The following LRSAM1 variants were observed in gnomAD, a reference collection of about 807,000 sequenced individuals.
LRSAM1 encodes the protein leucine rich repeat and sterile alpha motif containing 1, also known as E3 ubiquitin-protein ligase LRSAM1.
A neutral mutation model predicts 118.1 loss-of-function variants in LRSAM1; 96 were observed. The ratio of observed to expected loss-of-function variants is 0.81; its 90% CI spans 0.69 to 0.96. LRSAM1 has a LOEUF of 0.96. LRSAM1 is among the 40% of genes least tolerant of loss of function. The pLI is 0.00. For synonymous variants in LRSAM1, 322 were observed against 364.2 expected (o/e 0.88, Z 1.32); for missense variants, 804 against 915.5 (o/e 0.88, Z 1.57).
intron 19 of LRSAM1, 123 bp from the exon 20 acceptor site, chr9:127,491,092 C>A: frequency 1.2e-6 from 1 of 823,734 alleles, no homozygotes; most frequent in Non-Finnish European, 2.1e-6. Context: ...CCCCTCATTC[C>A]AGAGCCTCCC....
intron 3 of LRSAM1, among the ~76,000 whole-genome samples, 156 bp downstream of exon 3, chr9:127,454,755 C>A (rs1311592922): frequency 6.6e-6 from 1 of 152,110 alleles, no homozygotes; most frequent in Non-Finnish European, 1.5e-5. Context: ...GATGAGGCCC[C>A]CTGCCAAGGG....
intron 25 of LRSAM1, among the ~76,000 whole-genome samples, chr9:127,502,216 G>T (rs1192305565): frequency 6.6e-6 from 1 of 152,236 alleles, no homozygotes; most frequent in African/African-American, 2.4e-5. Context: ...ATTTAAGAAA[G>T]AATCAGTTGG....
rs1231990557 is a variant in LRSAM1, at chr9:127,459,024, C to A, written c.274C>A (p.Gln92Lys). 4.3e-6 allele frequency: 7 copies of A among 1,613,740 alleles called. No homozygotes were observed. Among genetic ancestry groups the A allele is most frequent in the Non-Finnish European group, 5.9e-6 (7 of 1,180,034 alleles). Residue 92 changes from glutamine (Q) to lysine (K), a missense_variant, in exon 7 of 26, where the codon CAG (glutamine) becomes AAG (lysine). Transcript: ENST00000300417. ...GCAGGTTCTAGATCTCCACGATAAT[C>A]AGCTGACAGCCCTTCCTGACGATCT... ...TIKVLDLHDN[Q>K]LTALPDDLGQ...
At chr9:127,489,021 G>C (rs1835831904) in intron 18 of LRSAM1, among the ~76,000 whole-genome samples, 1 of 152,114 alleles carries the variant, frequency 6.6e-6, no homozygotes, top group South Asian at 2.1e-4. Context: ...GTTCTAAAAT[G>C]GTTTGACTTA....
In LRSAM1 at chr9:127,484,263, C is replaced by CTTT. The variant is rs35834839; in HGVS notation, c.1159+1258_1159+1260dup. Among the ~76,000 whole-genome samples the CTTT allele has an allele frequency of 3.2e-3, 421 of 133,644 alleles. 3 individuals carry two copies. The highest frequency in any genetic ancestry group is 4.9e-3 in the Non-Finnish European group (314 of 63,804). The allele number at this position is 133,644 out of a possible 152,430, so 87.7% of individuals were successfully genotyped here. On this transcript the variant is annotated intron_variant, in intron 16 of 25. Transcript: ENST00000300417. ...ATAGCATGTGTTTGAATTTCTTTCCCTTTTTTTTTTTTTTTTTCCTGCTTC... is the reference window on the plus strand; with the variant it reads ...ATAGCATGTGTTTGAATTTCTTTCCCTTTTTTTTTTTTTTTTTTTTCCTGCTTC...
At chr9:127,480,490 G>T (rs1438683754) in intron 14 of LRSAM1, among the ~76,000 whole-genome samples, 3 of 152,162 alleles carry the variant, frequency 2.0e-5, no homozygotes, top group Non-Finnish European at 1.5e-5. Context: ...CCAGAAACAG[G>T]CTCCAGCCAT....
chr9:127,484,365 A>G (rs916554892), intron 16 of LRSAM1, among the ~76,000 whole-genome samples: 6 of 144,912 alleles, frequency 4.1e-5, no homozygotes, highest in African/African-American at 1.5e-4. Flanking sequence ...TTTCCTGTAT[A>G]TGCCACATTT....
chr9:127,470,182 G>A lies in LRSAM1; in HGVS notation c.619+2352G>A, dbSNP rs79463842. Among the ~76,000 whole-genome samples, 42 of 152,058 alleles carry A rather than the reference G, an allele frequency of 2.8e-4. 1 individual carries two copies. The East Asian group carries it at 7.1e-3, about 26-fold the overall frequency. ...GCCTGTATTAGTCTGTTCTCACACC[G>A]CTATGAAGAAATTCCCAATTTCTAT... On this transcript the variant is annotated intron_variant, in intron 10 of 25. Transcript: ENST00000300417.
rs948975352 is a variant in LRSAM1 at position 127,486,999 on chromosome 9, A to G, written c.1260-677A>G. On this transcript the variant is annotated intron_variant, in intron 17 of 25. Transcript: ENST00000300417. ...GGAGTTTGAGACCAGCCTGGCCAAC[A>G]TGGTAAAACCCCGTCTCTACTAAAA... Among the ~76,000 whole-genome samples the G allele has an allele frequency of 3.9e-5, 6 of 152,050 alleles. No individual in the cohort carries two copies. In the South Asian group the frequency reaches 1.2e-3, roughly 32 times the overall value.
At chr9:127,455,979 A>G (rs1035032887) in intron 5 of LRSAM1, among the ~76,000 whole-genome samples, 3 of 152,164 alleles carry the variant, frequency 2.0e-5, no homozygotes, top group Non-Finnish European at 4.4e-5. Flanking sequence ...TACTGAGTGT[A>G]CATGCCTACC....
At chr9:127,501,168 G>T (rs374350858) in intron 25 of LRSAM1, 25 bp downstream of exon 25, 4 of 1,607,132 alleles carry the variant, frequency 2.5e-6, no homozygotes, top group South Asian at 1.1e-5. Flanking sequence ...CTCCCCACCC[G>T]CCTGCCCTGC....
chr9:127,479,272 A>G, intron 12 of LRSAM1, 111 bp from the exon 13 acceptor site: 3 of 1,520,214 alleles, frequency 2.0e-6, no homozygotes, highest in Non-Finnish European at 1.8e-6. Context: ...GTTGCTCAGC[A>G]TGAAGACCTG....
At chr9:127,497,157 C>G (rs546907838) in intron 23 of LRSAM1, 96 bp from the exon 24 acceptor site, 11 of 1,266,694 alleles carry the variant, frequency 8.7e-6, no homozygotes, top group Middle Eastern at 2.3e-4. Context: ...CAGGAGGTGT[C>G]GACGGTCCTG....
intron 10 of LRSAM1, among the ~76,000 whole-genome samples, chr9:127,469,175 T>A (rs1026052291): frequency 6.6e-6 from 1 of 151,818 alleles, no homozygotes; most frequent in African/African-American, 2.4e-5. Flanking sequence ...ACTAAGAATT[T>A]TTACACAAGA....
At chr9:127,500,925 G>C in intron 24 of LRSAM1, 85 bp from the exon 25 acceptor site, 1 of 1,597,632 alleles carries the variant, frequency 6.3e-7, no homozygotes, top group South Asian at 1.1e-5. Context: ...ACTCACCATG[G>C]GGATGGGCAG....
In LRSAM1 at chr9:127,459,071, G is replaced by A; in HGVS notation, c.321G>A (p.Gln107=). 6.2e-7 allele frequency: 1 copy of A among 1,613,516 alleles called. No homozygotes were observed. Among genetic ancestry groups the A allele is most frequent in the Non-Finnish European group, 8.5e-7 (1 of 1,180,016 alleles). ...ATCTGGGGCAGCTGACTGCCCTCCAGGTAAGGCTGCAGAAACAGAAACCCA... is the reference window on the plus strand; with the variant it reads ...ATCTGGGGCAGCTGACTGCCCTCCAAGTAAGGCTGCAGAAACAGAAACCCA... ...PDDLGQLTAL[Q]VLNVERNQLM... is the part of the protein sequence containing the mutation. The change falls in exon 7 of 26, where the codon CAG becomes CAA. Residue 107 remains glutamine (Q), a splice_region_variant and synonymous_variant. Transcript: ENST00000300417.
In LRSAM1 at chr9:127,492,713, G is replaced by A. The variant is rs375352442; in HGVS notation, c.1504-89G>A. The A allele has an allele frequency of 1.7e-5, 21 of 1,215,018 alleles. 1 individual carries two copies. The highest frequency in any genetic ancestry group is 4.8e-4 in the Middle Eastern group (2 of 4,172). The allele number at this position is 1,215,018 out of a possible 1,614,324, so 75.3% of individuals were successfully genotyped here. ...GCATTGGGCAGAGAACCGAGTGAGCGGGAGGCCAGGCCCTTCTCCATCCTG... is the reference window on the plus strand; with the variant it reads ...GCATTGGGCAGAGAACCGAGTGAGCAGGAGGCCAGGCCCTTCTCCATCCTG... On this transcript the variant is annotated intron_variant, in intron 20 of 25. Coordinates refer to ENST00000300417, the MANE Select transcript of LRSAM1 (RefSeq NM_001005373.4).
At chr9:127,498,285 A>G (rs2132119406) in intron 24 of LRSAM1, among the ~76,000 whole-genome samples, 1 of 152,298 alleles carries the variant, frequency 6.6e-6, no homozygotes, top group Admixed American at 6.5e-5. Context: ...ACCCCCAAAA[A>G]GTCATTAAAC....
At chr9:127,455,777 A>G (rs1834495299) in intron 5 of LRSAM1, among the ~76,000 whole-genome samples, 157 bp downstream of exon 5, 1 of 152,098 alleles carries the variant, frequency 6.6e-6, no homozygotes, top group Admixed American at 6.6e-5. Context: ...CAGATAGGAG[A>G]GTAGGCTTTG....
Sources: allele counts gnomAD v4.1 joint callset (sites outside exome capture counted in the v4.1 genomes callset), GRCh38; gene constraint gnomAD v4.1.1; transcripts MANE v1.5; gene names NCBI Gene and HGNC (gene_info 2026-07-23, HGNC 2026-07-21).